The following SLC4A10 variants were observed in gnomAD, a reference collection of about 807,000 sequenced individuals.
The protein encoded by SLC4A10 is solute carrier family 4 member 10.
In SLC4A10, 42 loss-of-function variants were observed where a neutral mutation model predicts 137.7. That is an observed-to-expected ratio of 0.30 (90% CI 0.24 to 0.39). The LOEUF is 0.39. Ranked by LOEUF, SLC4A10 falls within the 10% of genes least tolerant of loss-of-function variation. The pLI, the probability that SLC4A10 is intolerant of heterozygous loss-of-function variation, is 1.00. For synonymous variants in SLC4A10, 474 were observed against 464.1 expected (o/e 1.02, Z -0.27); for missense variants, 925 against 1,355.0 (o/e 0.68, Z 4.98).
chr2:161,799,106 T>A (rs2055099950), intron 2 of SLC4A10, among the ~76,000 whole-genome samples: 1 of 151,638 alleles, frequency 6.6e-6, no homozygotes, highest in African/African-American at 2.4e-5. Context: ...AATGGTTTTG[T>A]ATTTTTATTA....
chr2:161,671,547 G>C (rs1022946867), intron 1 of SLC4A10, among the ~76,000 whole-genome samples: 3 of 152,096 alleles, frequency 2.0e-5, no homozygotes, highest in Non-Finnish European at 4.4e-5. Flanking sequence ...AAGAGAGAGG[G>C]AGGGAGACAA....
At chr2:161,790,955 C>T (rs538231697) in intron 2 of SLC4A10, among the ~76,000 whole-genome samples, 2 of 152,078 alleles carry the variant, frequency 1.3e-5, no homozygotes, top group Non-Finnish European at 1.5e-5. Flanking sequence ...ATTATTAAAA[C>T]GTCAAGAAAC....
At chr2:161,761,455 A>G (rs2050245864) in intron 1 of SLC4A10, among the ~76,000 whole-genome samples, 1 of 152,026 alleles carries the variant, frequency 6.6e-6, no homozygotes, top group African/African-American at 2.4e-5. Flanking sequence ...TGTTCCAATA[A>G]GGAAATCTAG....
intron 6 of SLC4A10, among the ~76,000 whole-genome samples, chr2:161,864,679 G>T (rs2060629970): frequency 2.6e-5 from 4 of 152,226 alleles, no homozygotes; most frequent in Admixed American, 2.0e-4. Flanking sequence ...ACTTGTGTTT[G>T]TAGATTCCAC....
chr2:161,877,417 G>A (rs928775089), intron 8 of SLC4A10, among the ~76,000 whole-genome samples: 1 of 152,012 alleles, frequency 6.6e-6, no homozygotes, highest in South Asian at 2.1e-4. Context: ...AAAGGATTAT[G>A]AGATTTATTA....
chr2:161,686,277 T>C (rs552933651), intron 1 of SLC4A10, among the ~76,000 whole-genome samples: 2 of 152,286 alleles, frequency 1.3e-5, no homozygotes, highest in African/African-American at 4.8e-5. Context: ...TATGTTCTTA[T>C]GGGTAAAGAA....
At chr2:161,637,186 T>TAG (rs1175682078) in intron 1 of SLC4A10, among the ~76,000 whole-genome samples, 5 of 148,252 alleles carry the variant, frequency 3.4e-5, no homozygotes, top group African/African-American at 7.4e-5. Flanking sequence ...TACATATATC[T>TAG]AGAGAGAGAG....
rs148211873 is a variant in SLC4A10 at position 161,765,933 on chromosome 2, G to C, written c.49-5040G>C. Among the ~76,000 whole-genome samples, 3 of 152,176 alleles carry C rather than the reference G, an allele frequency of 2.0e-5. No individual in the cohort carries two copies. In the East Asian group the frequency reaches 5.8e-4, roughly 29 times the overall value. ...CTTGGTAACAAGGAGGAAGGGAAAT[G>C]CTCTATTAAAAAGTTTTGAATAATA... On this transcript the variant is annotated intron_variant, in intron 1 of 26. Coordinates refer to ENST00000446997, the MANE Select transcript of SLC4A10 (RefSeq NM_001178015.2).
At chr2:161,888,484 A>G (rs1400354225) in intron 10 of SLC4A10, among the ~76,000 whole-genome samples, 2 of 152,122 alleles carry the variant, frequency 1.3e-5, no homozygotes, top group Non-Finnish European at 1.5e-5. Context: ...AGTGGTTTCT[A>G]GTTCTCCTTG....
At chr2:161,633,472 G>GAGGTGTGTC (rs569575314) in intron 1 of SLC4A10, among the ~76,000 whole-genome samples, 31 of 151,718 alleles carry the variant, frequency 2.0e-4, no homozygotes, top group Non-Finnish European at 4.4e-4. Flanking sequence ...TTTCAGTTAG[G>GAGGTGTGTC]AGGTGTGTCA....
chr2:161,888,327 A>G (rs1274691042), intron 10 of SLC4A10, among the ~76,000 whole-genome samples: 2 of 152,216 alleles, frequency 1.3e-5, no homozygotes, highest in African/African-American at 4.8e-5. Flanking sequence ...CAATTCTGCG[A>G]AGACAGTCAA....
chr2:161,882,256 A>G, intron 9 of SLC4A10, 101 bp from the exon 10 acceptor site: 1 of 631,342 alleles, frequency 1.6e-6, no homozygotes. Flanking sequence ...TTGCCATCAC[A>G]ATCTCCATTT....
chr2:161,661,460 G>A (rs1445015959), intron 1 of SLC4A10, among the ~76,000 whole-genome samples: 3 of 152,220 alleles, frequency 2.0e-5, no homozygotes, highest in South Asian at 2.1e-4. Flanking sequence ...GCAACAGAGC[G>A]AGACTGCGTC....
At chr2:161,682,114 A>G (rs1395428034) in intron 1 of SLC4A10, among the ~76,000 whole-genome samples, 1 of 152,152 alleles carries the variant, frequency 6.6e-6, no homozygotes, top group East Asian at 1.9e-4. Flanking sequence ...AATGTATTTT[A>G]TAAAATACCA....
intron 3 of SLC4A10, among the ~76,000 whole-genome samples, chr2:161,813,538 G>A (rs1198652027): frequency 2.0e-5 from 3 of 152,050 alleles, no homozygotes; most frequent in African/African-American, 7.2e-5. Context: ...TTTCATGAAG[G>A]AACGTCTTAG....
At chr2:161,845,841 T>C (rs951581345) in intron 4 of SLC4A10, among the ~76,000 whole-genome samples, 5 of 152,156 alleles carry the variant, frequency 3.3e-5, no homozygotes, top group Admixed American at 6.6e-5. Context: ...AAATAGTTTA[T>C]AGATTTAAAT....
chr2:161,824,070 G>T (rs143334807), intron 3 of SLC4A10, among the ~76,000 whole-genome samples: 5 of 152,276 alleles, frequency 3.3e-5, no homozygotes, highest in African/African-American at 1.2e-4. Context: ...GTACCTTACC[G>T]GTAAGGAAAT....
chr2:161,675,529 T>TA (rs1463131427), intron 1 of SLC4A10, among the ~76,000 whole-genome samples: 1 of 152,094 alleles, frequency 6.6e-6, no homozygotes, highest in East Asian at 1.9e-4. Context: ...GATGTAAAAG[T>TA]AAAAAAACCA....
chr2:161,885,252 G>T lies in SLC4A10; in HGVS notation c.1194+2808G>T, dbSNP rs1263414044. On this transcript the variant is annotated intron_variant, in intron 10 of 26. Coordinates refer to ENST00000446997, the MANE Select transcript of SLC4A10 (RefSeq NM_001178015.2). ...AGAACAATTGTACTCATTAAGAATA[G>T]AATTTAATATGTTGATTCATAGTTT... 3.3e-5 allele frequency among the ~76,000 whole-genome samples: 5 copies of T among 151,034 alleles called. No individual in the cohort carries two copies. In the Admixed American group the frequency reaches 3.3e-4, roughly 10 times the overall value.
Sources: allele counts gnomAD v4.1 joint callset (sites outside exome capture counted in the v4.1 genomes callset), GRCh38; gene constraint gnomAD v4.1.1; transcripts MANE v1.5; gene names NCBI Gene and HGNC (gene_info 2026-07-23, HGNC 2026-07-21).